PCNX2: variants seen among roughly 807,000 people sequenced by gnomAD.
The protein encoded by PCNX2 is pecanex-like protein 2.
Under a neutral mutation model 223.8 loss-of-function variants are expected in PCNX2, and 168 were observed. The observed-to-expected ratio is 0.75, with a 90% confidence interval of 0.66 to 0.85. The LOEUF (loss-of-function observed/expected upper bound fraction) is 0.85, where lower values mean the gene tolerates loss of function less well. Among genes scored for constraint, PCNX2 ranks in the 40% least tolerant of loss-of-function variants. The probability of loss-of-function intolerance (pLI) is 0.00; values close to 1 mark genes in which losing one functional copy is unlikely to be tolerated. For missense variants in PCNX2, 2,507 were observed against 2,675.5 expected (o/e 0.94, Z 1.39); for synonymous variants, 1,006 against 1,052.6 (o/e 0.96, Z 0.86).
In PCNX2 at chr1:233,195,721, G is replaced by A. The variant is rs189069812; in HGVS notation, c.3066+3218C>T. 4.5e-3 allele frequency among the ~76,000 whole-genome samples: 691 copies of A among 152,062 alleles called. 5 individuals are homozygous for A. The highest frequency in any genetic ancestry group is 7.0e-3 in the Non-Finnish European group (479 of 67,960). On this transcript the variant is annotated intron_variant, in intron 15 of 33. Transcript: ENST00000258229. ...AAAATAACATATAATGCACAAAAAG[G>A]TGCAATAGTTTCAGGTTGAAAGATA...
At chr1:233,187,194 C>T (rs1014602619) in intron 15 of PCNX2, among the ~76,000 whole-genome samples, 5 of 151,582 alleles carry the variant, frequency 3.3e-5, no homozygotes, top group African/African-American at 1.2e-4. Context: ...TAAAACACAT[C>T]GAAGGTAAAA....
At chr1:233,035,508 T>C (rs986746094) in intron 25 of PCNX2, among the ~76,000 whole-genome samples, 2 of 152,228 alleles carry the variant, frequency 1.3e-5, no homozygotes, top group African/African-American at 4.8e-5. Flanking sequence ...GTTCTGCATA[T>C]ACCTAGCACT....
At chr1:233,128,939 C>G (rs1400227248) in intron 21 of PCNX2, among the ~76,000 whole-genome samples, 1 of 152,228 alleles carries the variant, frequency 6.6e-6, no homozygotes, top group African/African-American at 2.4e-5. Flanking sequence ...CGTTCTTTCT[C>G]ACTGCCCTCC....
chr1:233,325,278 AC>A, the PCNX2 span, among the ~76,000 whole-genome samples: 1 of 152,098 alleles, frequency 6.6e-6, no homozygotes, highest in South Asian at 2.1e-4. Flanking sequence ...GTTGATTCTA[AC>A]CCTCGTGAAT....
intron 32 of PCNX2, among the ~76,000 whole-genome samples, chr1:232,997,489 A>C (rs1028824128): frequency 6.6e-6 from 1 of 152,140 alleles, no homozygotes; most frequent in Non-Finnish European, 1.5e-5. Context: ...TGAGGCCAAA[A>C]AGTAAAACCA....
At chr1:233,241,725 C>T (rs186641318) in intron 8 of PCNX2, among the ~76,000 whole-genome samples, 20 of 152,190 alleles carry the variant, frequency 1.3e-4, no homozygotes, top group Admixed American at 7.8e-4. Context: ...TAATAAAAGA[C>T]GAAATTTCTA....
intron 22 of PCNX2, 55 bp downstream of exon 22, chr1:233,095,700 C>T: frequency 7.0e-7 from 1 of 1,436,152 alleles, no homozygotes; most frequent in South Asian, 1.2e-5. Context: ...GAAAAGCTTG[C>T]TTCCGTAAAA....
chr1:233,134,104 T>G (rs1421949809), intron 21 of PCNX2, among the ~76,000 whole-genome samples: 1 of 152,106 alleles, frequency 6.6e-6, no homozygotes, highest in Non-Finnish European at 1.5e-5. Context: ...TTAAAAAAAT[T>G]ATTAACTAAA....
At chr1:233,108,131 A>G (rs1674904724) in intron 21 of PCNX2, among the ~76,000 whole-genome samples, 1 of 152,198 alleles carries the variant, frequency 6.6e-6, no homozygotes, top group Non-Finnish European at 1.5e-5. Flanking sequence ...GAAATGGGCC[A>G]CCAGCAGCCT....
At chr1:233,154,765 G>A (rs897459114) in intron 19 of PCNX2, among the ~76,000 whole-genome samples, 1 of 152,042 alleles carries the variant, frequency 6.6e-6, no homozygotes, top group African/African-American at 2.4e-5. Context: ...TTTTTACTTT[G>A]TTTTTTAAGA....
rs767988423 is a variant in PCNX2 at position 233,008,592 on chromosome 1, AG to A, written c.4952+6072del. On this transcript the variant is annotated intron_variant, in intron 28 of 33. Transcript: ENST00000258229. ...TGCAGACAATGGGTGCCTGTTGGTG[AG>A]GGGGTGGGACAATTCCAAATACACC... Among the ~76,000 whole-genome samples the A allele has an allele frequency of 5.9e-5, 9 of 152,272 alleles. No individual in the cohort carries two copies. The East Asian group carries it at 1.7e-3, about 29-fold the overall frequency.
chr1:233,268,057 G>T (rs11583168), intron 1 of PCNX2, among the ~76,000 whole-genome samples: 1 of 151,942 alleles, frequency 6.6e-6, no homozygotes, highest in African/African-American at 2.4e-5. Context: ...GACTACAGGC[G>T]CGCACCACCA....
rs1278673130 is a variant in PCNX2 at position 232,990,694 on chromosome 1, A to G, written c.5792-4154T>C. On this transcript the variant is annotated intron_variant, in intron 32 of 33. Transcript: ENST00000258229. The surrounding 1 kb of genome is among the most constrained non-coding windows in gnomAD (Gnocchi z 4.3). ...AGAGGTTTCCCTTGGTGGCCCCTGC[A>G]GCCGTCTCTGTCCCCACAGGGCCAG... 2.0e-5 allele frequency among the ~76,000 whole-genome samples: 3 copies of G among 152,092 alleles called. No individual in the cohort carries two copies. The highest frequency in any genetic ancestry group is 4.4e-5 in the Non-Finnish European group (3 of 68,006).
In PCNX2 at chr1:233,060,635, A is replaced by T. The variant is rs548185087; in HGVS notation, c.4077-3345T>A. Among the ~76,000 whole-genome samples, 7 of 152,262 alleles carry T rather than the reference A, an allele frequency of 4.6e-5. No individual in the cohort carries two copies. The South Asian group carries it at 1.5e-3, about 32-fold the overall frequency. On this transcript the variant is annotated intron_variant, in intron 23 of 33. Transcript: ENST00000258229. ...AGGTGCTAATTAGCTCAGTAATTGG[A>T]TTTCTGCCTTAACTGTCCAATCAAA...
At chr1:233,067,365 CAAAAAAAAAAAAAAAAAAAAAA>C (rs750823791) in intron 23 of PCNX2, among the ~76,000 whole-genome samples, 44 of 3,890 alleles carry the variant, frequency 0.011, 1 homozygote, top group Admixed American at 0.018. Flanking sequence ...AGAGCTTCAG[CAAAAAAAAAAAAAAAAAAAAAA>C]AAAAAAAAAA....
chr1:233,004,682 G>A (rs1670216517), intron 28 of PCNX2, among the ~76,000 whole-genome samples: 1 of 152,170 alleles, frequency 6.6e-6, no homozygotes, highest in African/African-American at 2.4e-5. Context: ...CACTGAGCAA[G>A]GCTTCTGATT....
At position 233,258,939 on chromosome 1, in the gene PCNX2, A is replaced by G; in HGVS notation, c.923T>C (p.Leu308Pro). Residue 308 changes from leucine (L) to proline (P), a missense_variant, in exon 5 of 34, where the codon CTG becomes CCG. This residue lies in a region of PCNX2 where 1,031 missense variants were observed against 1,021.7 expected (regional missense o/e 1.01). Coordinates refer to ENST00000258229, the MANE Select transcript of PCNX2 (RefSeq NM_014801.4). ...RVQSKSPQDS[L>P]SSSCPQCDTI... ...GTCACATTGAGGGCAGCTGCTGCTC[A>G]GGCTGTCCTGAGGTGACTTGCTTTG... is the stretch of plus-strand genomic sequence containing the variant. 6.2e-7 allele frequency: 1 copy of G among 1,613,956 alleles called. No individual in the cohort carries two copies.
chr1:233,285,084 G>C (rs1661380421), intron 1 of PCNX2: 1 of 895,878 alleles, frequency 1.1e-6, no homozygotes, highest in African/African-American at 1.8e-5. Context: ...CGGGTGCAGT[G>C]GTTCACGCCT....
chr1:233,158,466 A>T (rs1678261150), intron 19 of PCNX2, among the ~76,000 whole-genome samples: 1 of 152,152 alleles, frequency 6.6e-6, no homozygotes, highest in South Asian at 2.1e-4. Flanking sequence ...AGATACAAAT[A>T]AAGGTATAGG....
Sources: allele counts gnomAD v4.1 joint callset (sites outside exome capture counted in the v4.1 genomes callset), GRCh38; gene constraint gnomAD v4.1.1; regional missense constraint gnomAD v4.1.1; non-coding constraint Gnocchi (gnomAD v3.1); transcripts MANE v1.5; gene names NCBI Gene and HGNC (gene_info 2026-07-23, HGNC 2026-07-21).